Variants in PLEKHH1 observed in about 807,000 individuals in gnomAD.
The protein encoded by PLEKHH1 is pleckstrin homology domain-containing family H member 1.
In PLEKHH1, 104 loss-of-function variants were observed where a neutral mutation model predicts 160.0. The ratio of observed to expected loss-of-function variants is 0.65; its 90% CI spans 0.55 to 0.76. The LOEUF is 0.76. PLEKHH1 is among the 30% of genes least tolerant of loss of function. The pLI is 0.00. For synonymous variants in PLEKHH1, 619 were observed against 678.4 expected, an observed-to-expected ratio of 0.91 and a Z score of 1.36; for missense variants, 1,427 against 1,724.1, an observed-to-expected ratio of 0.83 and a Z score of 3.05.
intron 2 of PLEKHH1, among the ~76,000 whole-genome samples, chr14:67,551,288 CA>C (rs1421017248): frequency 6.6e-6 from 1 of 152,160 alleles, no homozygotes; most frequent in East Asian, 1.9e-4. Context: ...GTGAGCATCA[CA>C]CTGTCCCGGC....
chr14:67,561,277 G>C (rs182633154), intron 5 of PLEKHH1, among the ~76,000 whole-genome samples: 101 of 152,372 alleles, frequency 6.6e-4, no homozygotes, highest in Middle Eastern at 3.4e-3. Flanking sequence ...GCTGGGGGCA[G>C]TGGCTCACAC....
Position 67,572,128 on chromosome 14 carries a change from C to G in PLEKHH1, c.1586-7C>G, listed in dbSNP as rs747903121. 3 of 1,603,010 alleles carry G rather than the reference C, an allele frequency of 1.9e-6. No homozygotes were observed. Among genetic ancestry groups the G allele is most frequent in the African/African-American group, 1.3e-5 (1 of 74,718 alleles). On this transcript the variant is annotated splice_region_variant and splice_polypyrimidine_tract_variant and intron_variant, in intron 10 of 28. Coordinates refer to ENST00000329153, the MANE Select transcript of PLEKHH1 (RefSeq NM_020715.3). ...ACCCGGGCCTTGACTCCTCCTCCCT[C>G]GGCAAGGCGTCTCCATGTCCTCACT... is the stretch of plus-strand genomic sequence containing the variant.
Position 67,569,971 on chromosome 14 carries a change from T to A in PLEKHH1, c.1393T>A (p.Tyr465Asn). Reference protein sequence around the residue: ...VSPGSFSGLVYKNVTVPVYTA... With the variant: ...VSPGSFSGLVNKNVTVPVYTA... ...CCCTGGGTCTTTCTCTGGCCTGGTC[T>A]ACAAGAATGTCACTGTGCCTGTCTA... Residue 465 changes from tyrosine to asparagine, a missense_variant, in exon 9 of 29, where the codon TAC (tyrosine) becomes AAC (asparagine). Physicochemically the swap from Tyr to Asn is moderately radical, Grantham distance 143 (BLOSUM62 -2). Transcript: ENST00000329153. The A allele has an allele frequency of 6.2e-7, 1 of 1,609,400 alleles. No homozygotes were observed. Among genetic ancestry groups the A allele is most frequent in the Non-Finnish European group, 8.5e-7 (1 of 1,177,520 alleles).
chr14:67,559,630 C>G lies in PLEKHH1; in HGVS notation c.362C>G (p.Ala121Gly). Residue 121 changes from alanine to glycine, a missense_variant, in exon 5 of 29, where the codon GCA (alanine) becomes GGA (glycine). By Grantham distance (60) the Ala-to-Gly change is moderately conservative. Around this residue, in one of 6 missense-constraint regions of PLEKHH1, gnomAD observed 831 missense variants for 929.2 expected, o/e 0.89. Coordinates refer to ENST00000329153, the MANE Select transcript of PLEKHH1 (RefSeq NM_020715.3). The part of the protein sequence containing the change: ...EKQKQMRAEE[A>G]KTVQEKAAKI... ...CAGAAGCAGATGAGGGCAGAGGAAGCAAAAACTGTTCAAGAAAAAGCTGCA... is the reference window on the plus strand; with the variant it reads ...CAGAAGCAGATGAGGGCAGAGGAAGGAAAAACTGTTCAAGAAAAAGCTGCA... 1.2e-6 allele frequency: 2 copies of G among 1,602,014 alleles called. No individual in the cohort carries two copies. The highest frequency in any genetic ancestry group is 1.7e-6 in the Non-Finnish European group (2 of 1,174,278).
chr14:67,589,425 C>T lies in PLEKHH1; in HGVS notation c.*2190C>T. The T allele has an allele frequency of 1.0e-6, 1 of 985,122 alleles. No homozygotes were observed. The highest frequency in any genetic ancestry group is 1.2e-6 in the Non-Finnish European group (1 of 829,826). 61.0% of individuals were successfully genotyped at this position (985,122 alleles called of 1,614,324 possible). On this transcript the variant is annotated 3_prime_UTR_variant, in exon 29 of 29. Coordinates refer to ENST00000329153, the MANE Select transcript of PLEKHH1 (RefSeq NM_020715.3). The stretch of plus-strand genomic sequence containing the variant: ...CTTCTTGGCAAAAGTAGCTTTTGAA[C>T]TGATATAAAAAAAAATGCTGAGTAA...
chr14:67,569,172 T>C lies in PLEKHH1; in HGVS notation c.1298T>C (p.Met433Thr). The C allele has an allele frequency of 1.9e-6, 3 of 1,613,400 alleles. No homozygotes were observed. Among genetic ancestry groups the C allele is most frequent in the Non-Finnish European group, 2.5e-6 (3 of 1,179,528 alleles). Reference sequence around the variant, plus strand: ...ATCTATGCTGTGGCCACATCGGGCATGCGGCTCTCAGATATGTCTCCCAGA... The same window carrying C: ...ATCTATGCTGTGGCCACATCGGGCACGCGGCTCTCAGATATGTCTCCCAGA... ...SRIYAVATSG[M>T]RLSDMSPRSN... is the part of the protein sequence containing the mutation. Residue 433 changes from methionine (M) to threonine (T), a missense_variant, in exon 8 of 29, where the codon ATG (methionine) becomes ACG (threonine). Met to Thr is a moderately conservative substitution (Grantham distance 81, BLOSUM62 -1). Around this residue, in one of 6 missense-constraint regions of PLEKHH1, gnomAD observed 831 missense variants for 929.2 expected, o/e 0.89. Coordinates refer to ENST00000329153, the MANE Select transcript of PLEKHH1 (RefSeq NM_020715.3).
At position 67,573,361 on chromosome 14, in the gene PLEKHH1, G is replaced by A. The variant is rs2035476211; in HGVS notation, c.1814G>A (p.Gly605Glu). Residue 605 changes from glycine (G) to glutamate (E), a missense_variant, in exon 12 of 29, where the codon GGA becomes GAA. Gly to Glu is a moderately conservative substitution (Grantham distance 98). Coordinates refer to ENST00000329153, the MANE Select transcript of PLEKHH1 (RefSeq NM_020715.3). The surrounding 1 kb of genome is among the most constrained non-coding windows in gnomAD (Gnocchi z 4.8). ...AGGCGCTGGTTTGTCCTGAGACAGG[G>A]ACAGATTATGTACTACAAGTCCCCG... ...WKRRWFVLRQGQIMYYKSPSD... is the reference protein window; with the variant it reads ...WKRRWFVLRQEQIMYYKSPSD... The A allele has an allele frequency of 6.2e-6, 10 of 1,611,484 alleles. No individual in the cohort carries two copies. Among genetic ancestry groups the A allele is most frequent in the Non-Finnish European group, 8.5e-6 (10 of 1,177,654 alleles).
At chr14:67,550,481 G>A (rs1426242316) in intron 2 of PLEKHH1, among the ~76,000 whole-genome samples, 1 of 152,202 alleles carries the variant, frequency 6.6e-6, no homozygotes, top group Non-Finnish European at 1.5e-5. Flanking sequence ...GCACCACCGC[G>A]CCCAGCCAAA....
At chr14:67,577,566 T>A (rs1011206184) in intron 18 of PLEKHH1, among the ~76,000 whole-genome samples, 152 bp downstream of exon 18, 1 of 152,148 alleles carries the variant, frequency 6.6e-6, no homozygotes, top group Non-Finnish European at 1.5e-5. Context: ...ATGGCAGGAA[T>A]GTAATCCTGT....
intron 11 of PLEKHH1, among the ~76,000 whole-genome samples, chr14:67,572,910 C>T (rs1482046428): frequency 1.3e-5 from 2 of 152,168 alleles, no homozygotes; most frequent in South Asian, 2.1e-4. Flanking sequence ...TGGTCTTCTT[C>T]CTCCTCTCAG....
chr14:67,570,427 C>A, intron 9 of PLEKHH1: 1 of 309,266 alleles, frequency 3.2e-6, no homozygotes, highest in Non-Finnish European at 4.8e-6. Flanking sequence ...ACATTTTTGT[C>A]TCTGTTACTG....
chr14:67,565,086 G>A (rs528479227), intron 7 of PLEKHH1, among the ~76,000 whole-genome samples: 93 of 152,226 alleles, frequency 6.1e-4, no homozygotes, highest in African/African-American at 2.2e-3. Context: ...ATGGCATGTG[G>A]GTATTAAGGG....
chr14:67,556,677 C>T (rs1175381913), intron 3 of PLEKHH1, among the ~76,000 whole-genome samples: 1 of 152,156 alleles, frequency 6.6e-6, no homozygotes, highest in African/African-American at 2.4e-5. Context: ...CTCTTGACAT[C>T]AGGAGTTTGA....
rs2035793734 is a variant in PLEKHH1 at position 67,579,618 on chromosome 14, T to C, written c.3028-103T>C. On this transcript the variant is annotated intron_variant, in intron 21 of 28. Transcript: ENST00000329153. Reference sequence around the variant, plus strand: ...CCAACTTGCTTTGGCCTTTTGTATTTGCCCTTGCTCCTTTCCACCTGCTGT... The same window carrying C: ...CCAACTTGCTTTGGCCTTTTGTATTCGCCCTTGCTCCTTTCCACCTGCTGT... 6.1e-6 allele frequency: 7 copies of C among 1,153,066 alleles called. No homozygotes were observed. In the South Asian group the frequency reaches 1.1e-4, roughly 18 times the overall value. The allele number at this position is 1,153,066 out of a possible 1,614,324, so 71.4% of individuals were successfully genotyped here. A position where few individuals can be genotyped will look rare whatever the true frequency, so the allele number is the denominator to read the frequency against.
Position 67,585,568 on chromosome 14 carries a change from C to T in PLEKHH1, c.3700C>T (p.Pro1234Ser). The T allele has an allele frequency of 6.4e-7, 1 of 1,574,222 alleles. No homozygotes were observed. Among genetic ancestry groups the T allele is most frequent in the East Asian group, 2.3e-5 (1 of 43,042 alleles). Reference protein sequence around the residue: ...FFGAKLFAAQPAQLSSKENAL... With the variant: ...FFGAKLFAAQSAQLSSKENAL... ...TGATGGGTTGTTTCTGTTTCCCCAG[C>T]CTGCCCAGCTGTCTTCCAAGGAGAA... Residue 1234 changes from proline to serine, a missense_variant and splice_region_variant, in exon 27 of 29, where the codon CCT becomes TCT. Physicochemically the swap from Pro to Ser is moderately conservative, Grantham distance 74 (BLOSUM62 -1). Around this residue, in one of 6 missense-constraint regions of PLEKHH1, gnomAD observed 56 missense variants for 53.0 expected, o/e 1.06. Transcript: ENST00000329153.
In PLEKHH1 at chr14:67,541,902, T is replaced by C. The variant is rs1385414878; in HGVS notation, c.35T>C (p.Val12Ala). 1.9e-6 allele frequency: 3 copies of C among 1,604,452 alleles called. No homozygotes were observed. The highest frequency in any genetic ancestry group is 2.6e-6 in the Non-Finnish European group (3 of 1,175,612). The change falls in exon 2 of 29, where the codon GTA becomes GCA. Residue 12 changes from valine to alanine, a missense_variant. By Grantham distance (64) the Val-to-Ala change is moderately conservative. Transcript: ENST00000329153. Reference sequence around the variant, plus strand: ...CTCAAGGTGGAGGCGCCGGCCAGCGTAGACTGGCAGAAACGCTGCCTGACC... The same window carrying C: ...CTCAAGGTGGAGGCGCCGGCCAGCGCAGACTGGCAGAAACGCTGCCTGACC... ...AELKVEAPAS[V>A]DWQKRCLTLE...
At chr14:67,569,769 G>A (rs938076759) in intron 8 of PLEKHH1, 152 bp from the exon 9 acceptor site, 3 of 639,958 alleles carry the variant, frequency 4.7e-6, no homozygotes, top group Non-Finnish European at 8.6e-6. Flanking sequence ...AGGGAGTCAA[G>A]GGGAGAAGAT....
At chr14:67,569,282 G>A in intron 8 of PLEKHH1, 66 bp downstream of exon 8, 1 of 1,166,392 alleles carries the variant, frequency 8.6e-7, no homozygotes, top group Non-Finnish European at 1.3e-6. Flanking sequence ...AAGCGGGGAG[G>A]AGAAGACTCC....
In PLEKHH1 at chr14:67,541,843, G is replaced by T; in HGVS notation, c.-25G>T. On this transcript the variant is annotated 5_prime_UTR_variant, in exon 2 of 29. Transcript: ENST00000329153. ...GCATGCTGGTTCTTAGGGCTCCCCA[G>T]AATAATCCAGAAGTCGATTCCATCA... 6.4e-7 allele frequency: 1 copy of T among 1,573,154 alleles called. No individual in the cohort carries two copies. Among genetic ancestry groups the T allele is most frequent in the East Asian group, 2.3e-5 (1 of 43,136 alleles).
Sources: gnomAD v4.1 joint callset for allele counts (sites outside exome capture counted in the v4.1 genomes callset) on GRCh38, gnomAD v4.1.1 for gene constraint, gnomAD v4.1.1 regional missense constraint, Gnocchi (gnomAD v3.1) non-coding constraint, MANE v1.5 for transcripts, NCBI Gene and HGNC (gene_info 2026-07-23, HGNC 2026-07-21) for gene names.